Variants in SLC22A16 observed in about 807,000 individuals in gnomAD.
SLC22A16 encodes the protein WUGSC:RG331P03.1.
In SLC22A16, 53 loss-of-function variants were observed where a neutral mutation model predicts 52.9. That is an observed-to-expected ratio of 1.00 (90% CI 0.80 to 1.26). SLC22A16 has a LOEUF of 1.26. SLC22A16 is among the 50% of genes most tolerant of loss of function. The pLI, the probability that SLC22A16 is intolerant of heterozygous loss-of-function variation, is 0.00. For missense variants in SLC22A16, 726 were observed against 704.0 expected (o/e 1.03, Z -0.35); for synonymous variants, 291 against 268.8 (o/e 1.08, Z -0.81).
chr6:110,429,877 G>A (rs1005851350), intron 7 of SLC22A16, among the ~76,000 whole-genome samples: 2 of 152,088 alleles, frequency 1.3e-5, no homozygotes, highest in Admixed American at 1.3e-4. Flanking sequence ...TGGAGGGGCC[G>A]TTTGGGCAGT....
chr6:110,462,088 C>T (rs934360047), intron 1 of SLC22A16, among the ~76,000 whole-genome samples: 1 of 152,160 alleles, frequency 6.6e-6, no homozygotes, highest in Non-Finnish European at 1.5e-5. Context: ...TTTTTAAAAC[C>T]ATCAGATCTT....
rs151223629 is a variant in SLC22A16, at chr6:110,436,736, C to T, written c.1312-775G>A. On this transcript the variant is annotated intron_variant, in intron 5 of 7. Transcript: ENST00000368919. ...TTCAGAAAATATTTGAAAGTGGTAACTATTAGTACAGACTGTTTTGTTCAT... is the reference window on the plus strand; with the variant it reads ...TTCAGAAAATATTTGAAAGTGGTAATTATTAGTACAGACTGTTTTGTTCAT... Among the ~76,000 whole-genome samples, 863 of 152,312 alleles carry T rather than the reference C, an allele frequency of 5.7e-3. 3 individuals are homozygous for T. Among genetic ancestry groups the T allele is most frequent in the Middle Eastern group, 0.02 (6 of 294 alleles).
chr6:110,463,818 C>T (rs1255509076), intron 1 of SLC22A16, among the ~76,000 whole-genome samples: 2 of 151,722 alleles, frequency 1.3e-5, no homozygotes, highest in Non-Finnish European at 2.9e-5. Flanking sequence ...AACATTCCAC[C>T]CAACAACCAC....
In SLC22A16 at chr6:110,435,888, T is replaced by A; in HGVS notation, c.1385A>T (p.Tyr462Phe). The stretch of plus-strand genomic sequence containing the variant: ...TGGATACAGCTCAGCTGTATAAAGA[T>A]AAATGAGGCCAAATGCTGCCCCGAT... ...FAIGAAFGLI[Y>F]LYTAELYPTI... The change falls in exon 6 of 8, where the codon TAT (tyrosine) becomes TTT (phenylalanine). Residue 462 changes from tyrosine to phenylalanine, a missense_variant. Transcript: ENST00000368919. 6.2e-7 allele frequency: 1 copy of A among 1,613,926 alleles called. No homozygotes were observed. The highest frequency in any genetic ancestry group is 8.5e-7 in the Non-Finnish European group (1 of 1,179,906).
At chr6:110,454,667 T>G (rs1256412521) in intron 2 of SLC22A16, among the ~76,000 whole-genome samples, 5 of 45,832 alleles carry the variant, frequency 1.1e-4, no homozygotes, top group East Asian at 8.2e-4. Flanking sequence ...TTATATATAT[T>G]TATATATATT....
chr6:110,459,713 G>C (rs1046511162), intron 1 of SLC22A16, among the ~76,000 whole-genome samples: 15 of 152,194 alleles, frequency 9.9e-5, no homozygotes, highest in African/African-American at 3.4e-4. Flanking sequence ...TTAACAATAG[G>C]GGAAACTGGG....
At chr6:110,428,718 C>T (rs1160852472) in intron 7 of SLC22A16, among the ~76,000 whole-genome samples, 1 of 152,180 alleles carries the variant, frequency 6.6e-6, no homozygotes, top group Non-Finnish European at 1.5e-5. Context: ...GAGTTCGAGA[C>T]CAGCTTGGCC....
chr6:110,449,177 C>T (rs1172932573), intron 2 of SLC22A16, among the ~76,000 whole-genome samples: 1 of 152,086 alleles, frequency 6.6e-6, no homozygotes, highest in Non-Finnish European at 1.5e-5. Context: ...CTCTCCTGGT[C>T]CTTTCTGCCT....
intron 1 of SLC22A16, among the ~76,000 whole-genome samples, chr6:110,464,772 C>T (rs1486101535): frequency 6.6e-6 from 1 of 151,938 alleles, no homozygotes; most frequent in Non-Finnish European, 1.5e-5. Flanking sequence ...AAGAGGAATT[C>T]CTCCATAAAT....
chr6:110,453,714 A>C, intron 2 of SLC22A16: 1 of 456,072 alleles, frequency 2.2e-6, no homozygotes, highest in East Asian at 6.9e-5. Flanking sequence ...CAGAGAGGGG[A>C]CATTATCTCA....
intron 3 of SLC22A16, 55 bp from the exon 4 acceptor site, chr6:110,442,830 G>T: frequency 3.3e-6 from 5 of 1,514,464 alleles, no homozygotes; most frequent in Non-Finnish European, 4.5e-6. Context: ...AACTATTGAG[G>T]AGTCTGACCC....
chr6:110,435,326 C>G (rs565723463), intron 6 of SLC22A16, among the ~76,000 whole-genome samples: 1 of 152,170 alleles, frequency 6.6e-6, no homozygotes, highest in African/African-American at 2.4e-5. Flanking sequence ...GGGACATCAG[C>G]GGTGCACACA....
Position 110,456,762 on chromosome 6 carries a change from C to T in SLC22A16, c.309G>A (p.Arg103=). ...GEIWELSRCS[R]NKRENTSSLG... is the part of the protein sequence containing the mutation. The stretch of plus-strand genomic sequence containing the variant: ...AACTCGATGTGTTCTCCCTCTTATT[C>T]CTGCTACACCTTGAGAGCTCCCAGA... Residue 103 remains arginine, a synonymous_variant, in exon 2 of 8, where the codon AGG becomes AGA. Transcript: ENST00000368919. The T allele has an allele frequency of 6.2e-7, 1 of 1,614,170 alleles. No homozygotes were observed. Among genetic ancestry groups the T allele is most frequent in the South Asian group, 1.1e-5 (1 of 91,088 alleles).
intron 4 of SLC22A16, among the ~76,000 whole-genome samples, chr6:110,439,193 C>T (rs892436298): frequency 6.6e-6 from 1 of 152,342 alleles, no homozygotes; most frequent in African/African-American, 2.4e-5. Flanking sequence ...AAGCACCCAT[C>T]TGCAAGAGTA....
At chr6:110,443,669 C>A (rs1210701660) in intron 3 of SLC22A16, among the ~76,000 whole-genome samples, 1 of 152,164 alleles carries the variant, frequency 6.6e-6, no homozygotes, top group Non-Finnish European at 1.5e-5. Flanking sequence ...CCAGCAATTC[C>A]ACCTTTGAGT....
rs140212592 is a variant in SLC22A16, at chr6:110,442,360, G to A, written c.1067C>T (p.Thr356Met). Residue 356 changes from threonine to methionine, a missense_variant, in exon 4 of 8, where the codon ACG (threonine) becomes ATG (methionine). Physicochemically the swap from Thr to Met is moderately conservative, Grantham distance 81 (BLOSUM62 -1). Coordinates refer to ENST00000368919, the MANE Select transcript of SLC22A16 (RefSeq NM_033125.4). ...TAGCCAAACGGTAAGTGTCCTTTTC[G>A]TAATGCTCCAGTTATAAAACAGATA... ...LSYLFYNWSI[T>M]KRTLTVWLIW... is the part of the protein sequence containing the mutation. 7.2e-5 allele frequency: 116 copies of A among 1,614,148 alleles called. No homozygotes were observed. The South Asian group carries it at 1.2e-3, about 16-fold the overall frequency.
chr6:110,444,308 CA>C (rs1167574581), intron 3 of SLC22A16, among the ~76,000 whole-genome samples: 2 of 152,024 alleles, frequency 1.3e-5, no homozygotes, highest in African/African-American at 4.8e-5. Context: ...ATTTTTTCTA[CA>C]AAATTTTTTC....
chr6:110,424,733 C>T lies in SLC22A16; in HGVS notation c.*140G>A. Reference sequence around the variant, plus strand: ...ATCTTAGTTTTTATTTCTTTTATAACATATTTGCTTTAAAATTTTCTTACA... The same window carrying T: ...ATCTTAGTTTTTATTTCTTTTATAATATATTTGCTTTAAAATTTTCTTACA... On this transcript the variant is annotated 3_prime_UTR_variant, in exon 8 of 8. Coordinates refer to ENST00000368919, the MANE Select transcript of SLC22A16 (RefSeq NM_033125.4). 4.2e-6 allele frequency: 4 copies of T among 963,704 alleles called. No individual in the cohort carries two copies. The highest frequency in any genetic ancestry group is 4.5e-6 in the Non-Finnish European group (3 of 665,038). 59.7% of individuals were successfully genotyped at this position (963,704 alleles called of 1,614,324 possible).
chr6:110,476,144 G>A (rs1450249176), intron 1 of SLC22A16: 2 of 396,362 alleles, frequency 5.0e-6, no homozygotes, highest in Non-Finnish European at 9.5e-6. Context: ...AAGTGGCGGC[G>A]GATTAGAGAA....
Sources: allele counts gnomAD v4.1 joint callset (sites outside exome capture counted in the v4.1 genomes callset), GRCh38; gene constraint gnomAD v4.1.1; transcripts MANE v1.5; gene names NCBI Gene and HGNC (gene_info 2026-07-23, HGNC 2026-07-21).